Variants in UGT2A2 observed in about 807,000 individuals in gnomAD.
The protein encoded by UGT2A2 is UDP-glucuronosyltransferase 2A2.
In UGT2A2, 60 loss-of-function variants were observed where a neutral mutation model predicts 50.7. The observed-to-expected ratio is 1.18, with a 90% CI of 0.96 to 1.47. UGT2A2 has a LOEUF of 1.47. Among genes scored for constraint, UGT2A2 ranks in the 40% most tolerant of loss-of-function variants. UGT2A2 has a pLI of 0.00. For synonymous variants in UGT2A2, 242 were observed against 214.6 expected (o/e 1.13, Z -1.11); for missense variants, 762 against 634.0 (o/e 1.20, Z -2.17).
At chr4:69,624,762 T>G (rs968237912) in intron 1 of UGT2A2, among the ~76,000 whole-genome samples, 4 of 151,446 alleles carry the variant, frequency 2.6e-5, no homozygotes, top group Non-Finnish European at 5.9e-5. Context: ...TTCTATGTAT[T>G]ACAACTTCAC....
intron 1 of UGT2A2, among the ~76,000 whole-genome samples, chr4:69,629,690 C>A (rs1379328572): frequency 6.6e-6 from 1 of 152,104 alleles, no homozygotes; most frequent in African/African-American, 2.4e-5. Context: ...CTGTACAACT[C>A]TACTGGAAGA....
intron 3 of UGT2A2, among the ~76,000 whole-genome samples, chr4:69,595,581 T>C (rs1407599709): frequency 6.6e-6 from 1 of 152,162 alleles, no homozygotes; most frequent in Non-Finnish European, 1.5e-5. Flanking sequence ...GAGTGTTATG[T>C]GCTTTAAACA....
intron 2 of UGT2A2, among the ~76,000 whole-genome samples, chr4:69,599,020 T>C (rs1323766571): frequency 6.6e-6 from 1 of 152,124 alleles, no homozygotes; most frequent in East Asian, 1.9e-4. Context: ...CACTGATATT[T>C]GTAACACACA....
chr4:69,621,766 G>A (rs1474848659), intron 1 of UGT2A2, among the ~76,000 whole-genome samples: 1 of 151,846 alleles, frequency 6.6e-6, no homozygotes, highest in Non-Finnish European at 1.5e-5. Context: ...GCCTATCAAC[G>A]ACAGATTGGA....
chr4:69,610,913 C>A (rs952426436), intron 1 of UGT2A2, among the ~76,000 whole-genome samples: 1 of 152,114 alleles, frequency 6.6e-6, no homozygotes, highest in Non-Finnish European at 1.5e-5. Flanking sequence ...ATTAGCTAAT[C>A]TTTTTCATAC....
At chr4:69,601,161 T>C (rs997727128) in intron 1 of UGT2A2, among the ~76,000 whole-genome samples, 1 of 152,128 alleles carries the variant, frequency 6.6e-6, no homozygotes, top group Non-Finnish European at 1.5e-5. Flanking sequence ...ATACTCCCCA[T>C]GTGGATTCTT....
chr4:69,639,302 T>A lies in UGT2A2; in HGVS notation c.339A>T (p.Ile113=), dbSNP rs1721914383. The A allele has an allele frequency of 1.2e-6, 2 of 1,613,730 alleles. No individual in the cohort carries two copies. Among genetic ancestry groups the A allele is most frequent in the Non-Finnish European group, 1.7e-6 (2 of 1,179,732 alleles). ...WIDHRPTPLT[I]WAFYKELGKL... ...TTCCTAGTTCTTTGTAGAAAGCCCA[T>A]ATTGTGAGAGGAGTTGGTCTATGGT... The change falls in exon 1 of 6, where the codon ATA becomes ATT. Residue 113 remains isoleucine (I), a synonymous_variant. Coordinates refer to ENST00000604629, the MANE Select transcript of UGT2A2 (RefSeq NM_001105677.2).
intron 5 of UGT2A2, among the ~76,000 whole-genome samples, chr4:69,593,584 T>C (rs1718712663): frequency 6.6e-6 from 1 of 151,482 alleles, no homozygotes; most frequent in African/African-American, 2.4e-5. Context: ...TACTAAGCTA[T>C]GTATACATAA....
At chr4:69,605,145 T>C (rs1400936986) in intron 1 of UGT2A2, among the ~76,000 whole-genome samples, 1 of 136,914 alleles carries the variant, frequency 7.3e-6, no homozygotes, top group Non-Finnish European at 1.6e-5. Flanking sequence ...ACCGCACTTA[T>C]TCCAAAATTG....
chr4:69,627,889 C>A (rs1721179547), intron 1 of UGT2A2, among the ~76,000 whole-genome samples: 1 of 151,786 alleles, frequency 6.6e-6, no homozygotes, highest in Non-Finnish European at 1.5e-5. Flanking sequence ...ATAAAAAATA[C>A]TAAAATATTA....
intron 5 of UGT2A2, among the ~76,000 whole-genome samples, chr4:69,593,876 TATA>T (rs534143444): frequency 4.4e-4 from 67 of 152,020 alleles, no homozygotes; most frequent in African/African-American, 1.6e-3. Context: ...CTAATTAGTT[TATA>T]ATATTAAGCA....
chr4:69,627,566 G>A (rs192407210), intron 1 of UGT2A2, among the ~76,000 whole-genome samples: 9,111 of 145,022 alleles, frequency 0.063, 420 homozygotes, highest in Non-Finnish European at 0.095. Context: ...GAGAGAGAGA[G>A]AAAGAAAGAG....
rs1458382070 is a variant in UGT2A2 at position 69,588,963 on chromosome 4, G to A, written c.*409C>T. On this transcript the variant is annotated 3_prime_UTR_variant, in exon 6 of 6. Coordinates refer to ENST00000604629, the MANE Select transcript of UGT2A2 (RefSeq NM_001105677.2). ...ATTTGTTTGGTATATGGAAATTTGT[G>A]AATTTGACTCTTCCTTACACCTATC... is the stretch of plus-strand genomic sequence containing the variant. The A allele has an allele frequency of 6.5e-6, 1 of 154,328 alleles. No homozygotes were observed. The highest frequency in any genetic ancestry group is 1.9e-4 in the East Asian group (1 of 5,234). 9.6% of individuals were successfully genotyped at this position (154,328 alleles called of 1,614,324 possible). A position where few individuals can be genotyped will look rare whatever the true frequency, so the allele number is the denominator to read the frequency against.
intron 1 of UGT2A2, chr4:69,603,552 A>T (rs1293919280): frequency 7.3e-6 from 1 of 137,176 alleles, no homozygotes; most frequent in Non-Finnish European, 1.6e-5. Flanking sequence ...ACGCAACAGA[A>T]CAAAACTGGA....
rs1016963439 is a variant in UGT2A2 at position 69,589,140 on chromosome 4, G to C, written c.*232C>G. 1 of 406,560 alleles carries C rather than the reference G, an allele frequency of 2.5e-6. No homozygotes were observed. The highest frequency in any genetic ancestry group is 4.2e-5 in the Admixed American group (1 of 24,072). 25.2% of individuals were successfully genotyped at this position (406,560 alleles called of 1,614,324 possible). On this transcript the variant is annotated 3_prime_UTR_variant, in exon 6 of 6. Transcript: ENST00000604629. ...AGAAAAGTGACAGGAAGAGGGTATA[G>C]TCAGCAGGGAGAGACAAAGGAAAAA... is the stretch of plus-strand genomic sequence containing the variant.
intron 1 of UGT2A2, among the ~76,000 whole-genome samples, chr4:69,600,856 G>C (rs1719243755): frequency 6.6e-6 from 1 of 151,518 alleles, no homozygotes; most frequent in Non-Finnish European, 1.5e-5. Flanking sequence ...ATCACAAGAA[G>C]AGTACCAAGG....
At chr4:69,607,640 G>A (rs1327559130) in intron 1 of UGT2A2, among the ~76,000 whole-genome samples, 2 of 151,712 alleles carry the variant, frequency 1.3e-5, no homozygotes, top group Non-Finnish European at 2.9e-5. Flanking sequence ...GCAACCTACA[G>A]AATGGGAGAA....
chr4:69,592,311 A>G (rs1366586174), intron 5 of UGT2A2, among the ~76,000 whole-genome samples: 2 of 152,220 alleles, frequency 1.3e-5, no homozygotes, highest in African/African-American at 4.8e-5. Context: ...GCAAGTTTAA[A>G]GCACCCACAC....
chr4:69,618,460 C>T (rs998234011), intron 1 of UGT2A2, among the ~76,000 whole-genome samples: 11 of 151,842 alleles, frequency 7.2e-5, no homozygotes, highest in African/African-American at 2.7e-4. Flanking sequence ...TAACACATTT[C>T]TAACTTTGTT....
Sources: allele counts gnomAD v4.1 joint callset (sites outside exome capture counted in the v4.1 genomes callset), GRCh38; gene constraint gnomAD v4.1.1; transcripts MANE v1.5; gene names NCBI Gene and HGNC (gene_info 2026-07-23, HGNC 2026-07-21).